GDPD5: variants seen among roughly 807,000 people sequenced by gnomAD.
GDPD5 encodes glycerophosphodiester phosphodiesterase 2.
In GDPD5, 48 loss-of-function variants were observed where a neutral mutation model predicts 75.1. The observed-to-expected ratio is 0.64, with a 90% CI of 0.51 to 0.81. The LOEUF (loss-of-function observed/expected upper bound fraction) is 0.81, where lower values mean the gene tolerates loss of function less well. Ranked by LOEUF, GDPD5 falls within the 40% of genes least tolerant of loss-of-function variation. The probability of loss-of-function intolerance (pLI) is 0.00; values close to 1 mark genes in which losing one functional copy is unlikely to be tolerated. For synonymous variants in GDPD5, 336 were observed against 339.0 expected (o/e 0.99, Z 0.10); for missense variants, 706 against 822.6 (o/e 0.86, Z 1.73).
intron 1 of GDPD5, among the ~76,000 whole-genome samples, chr11:75,503,207 ATGGGGGTT>A (rs1270436218): frequency 6.6e-6 from 1 of 151,970 alleles, no homozygotes; most frequent in Non-Finnish European, 1.5e-5. Context: ...TTTAATAGAG[ATGGGGGTT>A]TCATCATGTT....
chr11:75,435,438 C>G lies in GDPD5; in HGVS notation c.*69G>C. On this transcript the variant is annotated 3_prime_UTR_variant, in exon 17 of 17. Transcript: ENST00000336898. The stretch of plus-strand genomic sequence containing the variant: ...TCCCAGAGCACTCCGAGTTCAGACA[C>G]ACTTCCACCAGCTCTCCTAGGCTCC... 7.0e-7 allele frequency: 1 copy of G among 1,422,814 alleles called. No individual in the cohort carries two copies. The allele number at this position is 1,422,814 out of a possible 1,614,324, so 88.1% of individuals were successfully genotyped here. A position where few individuals can be genotyped will look rare whatever the true frequency, so the allele number is the denominator to read the frequency against.
At chr11:75,471,799 G>C (rs1949672207) in intron 3 of GDPD5, among the ~76,000 whole-genome samples, 1 of 152,140 alleles carries the variant, frequency 6.6e-6, no homozygotes, top group Non-Finnish European at 1.5e-5. Flanking sequence ...GGGTGTGGGG[G>C]TTTCCTAAGG....
At chr11:75,484,506 G>A (rs1348458600) in intron 2 of GDPD5, among the ~76,000 whole-genome samples, 1 of 152,178 alleles carries the variant, frequency 6.6e-6, no homozygotes, top group African/African-American at 2.4e-5. Flanking sequence ...TCTGTTGTTT[G>A]CAATCCCAAA....
intron 3 of GDPD5, among the ~76,000 whole-genome samples, chr11:75,469,312 T>C (rs777110467): frequency 2.0e-5 from 3 of 152,076 alleles, no homozygotes; most frequent in East Asian, 1.9e-4. Flanking sequence ...CACCATGGCA[T>C]TGGGGGTGGG....
chr11:75,512,721 G>T (rs1028122364), intron 1 of GDPD5, among the ~76,000 whole-genome samples: 1 of 151,706 alleles, frequency 6.6e-6, no homozygotes, highest in African/African-American at 2.4e-5. Flanking sequence ...TTCCAGACCA[G>T]ACTGACCAAC....
chr11:75,451,600 C>T (rs1264636224), intron 6 of GDPD5: 1 of 152,270 alleles, frequency 6.6e-6, no homozygotes, highest in Non-Finnish European at 1.5e-5. Flanking sequence ...CCCTGAGAAC[C>T]CCGCCCTCGG....
intron 3 of GDPD5, among the ~76,000 whole-genome samples, chr11:75,473,442 C>A (rs1949712631): frequency 1.3e-5 from 2 of 152,080 alleles, no homozygotes; most frequent in Non-Finnish European, 1.5e-5. Flanking sequence ...CAGTCCACAG[C>A]CAGTCCGTTG....
intron 3 of GDPD5, among the ~76,000 whole-genome samples, chr11:75,468,785 T>C (rs917406867): frequency 7.7e-4 from 117 of 152,152 alleles, no homozygotes; most frequent in Non-Finnish European, 3.8e-4. Flanking sequence ...TAAGAAATAT[T>C]GGGGTCAAAT....
At chr11:75,475,555 A>G (rs1949760968) in intron 3 of GDPD5, among the ~76,000 whole-genome samples, 1 of 152,144 alleles carries the variant, frequency 6.6e-6, no homozygotes, top group Admixed American at 6.5e-5. Flanking sequence ...TAGAGAGAGA[A>G]AAGAGAAATG....
intron 9 of GDPD5, 42 bp downstream of exon 9, chr11:75,448,935 C>T (rs1949056476): frequency 1.3e-6 from 2 of 1,523,204 alleles, no homozygotes; most frequent in Non-Finnish European, 1.7e-6. Flanking sequence ...CCCATCGCAC[C>T]CCACCCCAAC....
At chr11:75,483,359 C>A (rs556222755) in intron 2 of GDPD5, among the ~76,000 whole-genome samples, 1 of 152,202 alleles carries the variant, frequency 6.6e-6, no homozygotes, top group Non-Finnish European at 1.5e-5. Context: ...GGAATAAACA[C>A]GCACTATGGA....
chr11:75,487,405 G>C (rs1429024985), intron 2 of GDPD5, among the ~76,000 whole-genome samples: 1 of 152,236 alleles, frequency 6.6e-6, no homozygotes, highest in African/African-American at 2.4e-5. Flanking sequence ...CGGGGAGGAG[G>C]TGCCTGGAAG....
At chr11:75,495,567 G>T (rs1950193469) in intron 1 of GDPD5, among the ~76,000 whole-genome samples, 1 of 152,062 alleles carries the variant, frequency 6.6e-6, no homozygotes, top group Admixed American at 6.5e-5. Flanking sequence ...AGACATTCTT[G>T]ATATTTTATC....
intron 3 of GDPD5, among the ~76,000 whole-genome samples, chr11:75,476,368 G>T (rs1949778533): frequency 6.6e-6 from 1 of 151,340 alleles, no homozygotes; most frequent in South Asian, 2.1e-4. Context: ...ACTTGAGAGG[G>T]GTGTGTCTCC....
chr11:75,476,936 G>A (rs1949792422), intron 3 of GDPD5, among the ~76,000 whole-genome samples: 1 of 151,452 alleles, frequency 6.6e-6, no homozygotes, highest in South Asian at 2.1e-4. Flanking sequence ...TTCTGGGGCT[G>A]GCTGAATTTA....
chr11:75,503,550 CT>C lies in GDPD5; in HGVS notation c.-144-13231del, dbSNP rs1310066160. Among the ~76,000 whole-genome samples, 3 of 152,370 alleles carry C rather than the reference CT, an allele frequency of 2.0e-5. No individual in the cohort carries two copies. In the East Asian group the frequency reaches 5.8e-4, roughly 29 times the overall value. On this transcript the variant is annotated intron_variant, in intron 1 of 16. Coordinates refer to ENST00000336898, the MANE Select transcript of GDPD5 (RefSeq NM_030792.8). The stretch of plus-strand genomic sequence containing the variant: ...CCACACTATTCACTGCTATGCCATA[CT>C]GACTGCCTGCAAGGTCTGATTGGTC...
At chr11:75,449,697 G>T in intron 7 of GDPD5, 87 bp from the exon 8 acceptor site, 1 of 1,404,324 alleles carries the variant, frequency 7.1e-7, no homozygotes, top group Non-Finnish European at 9.9e-7. Flanking sequence ...TACCTATGAG[G>T]CAGGCAACCC....
chr11:75,435,217 G>A lies in GDPD5; in HGVS notation c.*290C>T, dbSNP rs1309819660. ...CATGACCCATCAAAGCTTCCAGGTC[G>A]GGATACAGGAGAGGGCCTCAGAAGA... On this transcript the variant is annotated 3_prime_UTR_variant, in exon 17 of 17. Coordinates refer to ENST00000336898, the MANE Select transcript of GDPD5 (RefSeq NM_030792.8). 4.1e-5 allele frequency: 13 copies of A among 316,836 alleles called. No individual in the cohort carries two copies. The highest frequency in any genetic ancestry group is 2.1e-4 in the East Asian group (4 of 18,700). 19.6% of individuals were successfully genotyped at this position (316,836 alleles called of 1,614,324 possible).
At chr11:75,509,320 CACAG>C (rs1236860795) in intron 1 of GDPD5, among the ~76,000 whole-genome samples, 3 of 152,182 alleles carry the variant, frequency 2.0e-5, no homozygotes, top group Non-Finnish European at 1.5e-5. Context: ...TCTGTTCAAA[CACAG>C]ACAGGGCTGC....
Sources: allele counts gnomAD v4.1 joint callset (sites outside exome capture counted in the v4.1 genomes callset), GRCh38; gene constraint gnomAD v4.1.1; transcripts MANE v1.5; gene names NCBI Gene and HGNC (gene_info 2026-07-23, HGNC 2026-07-21).